The following ZDHHC9 variants were observed in gnomAD, a reference collection of about 807,000 sequenced individuals.
ZDHHC9 encodes palmitoyltransferase ZDHHC9.
Under a neutral mutation model 26.6 loss-of-function variants are expected in ZDHHC9, and 3 were observed. The observed-to-expected ratio is 0.11, with a 90% CI of 0.05 to 0.29. The LOEUF (loss-of-function observed/expected upper bound fraction) is 0.29, where lower values mean the gene tolerates loss of function less well. Among genes scored for constraint, ZDHHC9 ranks in the 10% least tolerant of loss-of-function variants. The pLI is 1.00. For synonymous variants in ZDHHC9, 111 were observed against 109.4 expected (o/e 1.01, Z -0.09); for missense variants, 146 against 296.4 (o/e 0.49, Z 3.73).
rs1292270853 is a variant in ZDHHC9, at chrX:129,806,286, GCT to G, written c.*82_*83del. 1.2e-6 allele frequency: 1 copy of G among 834,703 alleles called. No individual in the cohort carries two copies. Among genetic ancestry groups the G allele is most frequent in the Non-Finnish European group, 1.8e-6 (1 of 552,249 alleles). 68.8% of individuals were successfully genotyped at this position (834,703 alleles called of 1,213,427 possible). A position where few individuals can be genotyped will look rare whatever the true frequency, so the allele number is the denominator to read the frequency against. On this transcript the variant is annotated 3_prime_UTR_variant, in exon 11 of 11. Coordinates refer to ENST00000357166, the MANE Select transcript of ZDHHC9 (RefSeq NM_016032.4). ...AACAGTTAAAAGGGACAGCTTACTT[GCT>G]CTCTGTCTCAGGTTTAACTTCTCAC...
At chrX:129,832,608 C>T (rs993270548) in intron 3 of ZDHHC9, among the ~76,000 whole-genome samples, 9 of 110,226 alleles carry the variant, frequency 8.2e-5, no homozygotes, top group Non-Finnish European at 1.3e-4. Context: ...ACAGTGAAAC[C>T]CCGTCTCTAC....
chrX:129,837,166 G>A (rs779685321), intron 3 of ZDHHC9, among the ~76,000 whole-genome samples: 1 of 111,610 alleles, frequency 9.0e-6, no homozygotes, highest in Admixed American at 9.6e-5. Context: ...GATTCTGTGG[G>A]TCAAGATTGT....
At position 129,803,755 on chromosome X, in the gene ZDHHC9, C is replaced by G. The variant is rs1457092115; in HGVS notation, c.*2615G>C. The G allele has an allele frequency of 8.9e-6, 1 of 112,050 alleles. No homozygotes were observed. Among genetic ancestry groups the G allele is most frequent in the African/African-American group, 3.2e-5 (1 of 30,788 alleles). 9.2% of individuals were successfully genotyped at this position (112,050 alleles called of 1,213,427 possible). On this transcript the variant is annotated 3_prime_UTR_variant, in exon 11 of 11. Transcript: ENST00000357166. ...CCACCTGCCCCCAGAGGTTTGGGAT[C>G]AGTGCCAACCATCCTGGCCTGGGAA... is the stretch of plus-strand genomic sequence containing the variant.
At chrX:129,819,369 A>G (rs758193431) in intron 5 of ZDHHC9, among the ~76,000 whole-genome samples, 1 of 110,084 alleles carries the variant, frequency 9.1e-6, no homozygotes, top group Non-Finnish European at 1.9e-5. Flanking sequence ...TTTAAATCAC[A>G]TTTTTTCTGA....
At chrX:129,809,336 G>T (rs1238565193) in intron 10 of ZDHHC9, among the ~76,000 whole-genome samples, 2 of 112,241 alleles carry the variant, frequency 1.8e-5, no homozygotes, top group East Asian at 2.8e-4. Flanking sequence ...ACTGATGAAT[G>T]GATAAATGAA....
chrX:129,836,551 C>T (rs1019786824), intron 3 of ZDHHC9, among the ~76,000 whole-genome samples: 1 of 112,438 alleles, frequency 8.9e-6, no homozygotes, highest in East Asian at 2.8e-4. Flanking sequence ...TCCCAAAGTG[C>T]TGGGATTACA....
intron 3 of ZDHHC9, among the ~76,000 whole-genome samples, chrX:129,835,446 C>CA (rs59940283): frequency 0.078 from 4,236 of 54,102 alleles, 366 homozygotes; most frequent in African/African-American, 0.21. Flanking sequence ...GACCCTATCT[C>CA]AAAAAAAAAA....
chrX:129,812,664 G>T, intron 8 of ZDHHC9, 54 bp downstream of exon 8: 1 of 1,053,691 alleles, frequency 9.5e-7, no homozygotes. Context: ...GGTAGCAAGA[G>T]GATAGGCTTT....
intron 3 of ZDHHC9, among the ~76,000 whole-genome samples, chrX:129,833,156 G>C (rs1203862406): frequency 1.8e-5 from 2 of 111,200 alleles, no homozygotes; most frequent in Non-Finnish European, 3.8e-5. Flanking sequence ...TCTCCCTTGT[G>C]AATTTTATAA....
intron 3 of ZDHHC9, among the ~76,000 whole-genome samples, chrX:129,835,183 A>C (rs1490106256): frequency 8.9e-6 from 1 of 112,434 alleles, no homozygotes; most frequent in Non-Finnish European, 1.9e-5. Flanking sequence ...ATGGTGGCTT[A>C]CACCTGTAAT....
intron 10 of ZDHHC9, among the ~76,000 whole-genome samples, chrX:129,810,339 C>T (rs1225537892): frequency 9.3e-6 from 1 of 107,111 alleles, no homozygotes; most frequent in Non-Finnish European, 1.9e-5. Flanking sequence ...GAGCAAAACT[C>T]CATCTCAAAA....
rs1295825129 is a variant in ZDHHC9, at chrX:129,814,788, G to A, written c.495C>T (p.Phe165=). The change falls in exon 6 of 11, where the codon TTC becomes TTT. Residue 165 remains phenylalanine (F), a synonymous_variant. Transcript: ENST00000357166. The stretch of plus-strand genomic sequence containing the variant: ...TCCCCACCCAGGGGCAGTGATGGTC[G>A]AAGCGCTCTGTGGGAGAAAGAGAGA... ...CSICDNCVER[F]DHHCPWVGNC... The A allele has an allele frequency of 1.5e-5, 18 of 1,209,138 alleles. No homozygotes were observed. Among genetic ancestry groups the A allele is most frequent in the Non-Finnish European group, 1.9e-5 (17 of 894,978 alleles).
chrX:129,814,478 A>G (rs1397344656), intron 6 of ZDHHC9, among the ~76,000 whole-genome samples, 180 bp downstream of exon 6: 3 of 111,796 alleles, frequency 2.7e-5, no homozygotes, highest in Admixed American at 1.9e-4. Context: ...ATTAATACTC[A>G]TTGATGTGCA....
chrX:129,816,929 C>T (rs1927768227), intron 5 of ZDHHC9, among the ~76,000 whole-genome samples: 2 of 111,279 alleles, frequency 1.8e-5, no homozygotes, highest in Non-Finnish European at 3.8e-5. Flanking sequence ...GTCACCCAGG[C>T]TGGAGTGCAA....
intron 3 of ZDHHC9, among the ~76,000 whole-genome samples, chrX:129,841,261 G>A (rs1176995209): frequency 8.9e-6 from 1 of 112,325 alleles, no homozygotes; most frequent in East Asian, 2.8e-4. Flanking sequence ...TAATAAGCAC[G>A]TATGTGCCAC....
rs762304463 is a variant in ZDHHC9 at position 129,814,614 on chromosome X, C to T, written c.625+44G>A. On this transcript the variant is annotated intron_variant, in intron 6 of 10. Transcript: ENST00000357166. ...TCTAAGCTGCCCTTAACTCTTCCCC[C>T]ACCCAGCCCCACTCCAACAACGGAC... is the stretch of plus-strand genomic sequence containing the variant. 12 of 1,207,040 alleles carry T rather than the reference C, an allele frequency of 9.9e-6. No individual in the cohort carries two copies. The Admixed American group carries it at 1.3e-4, about 13-fold the overall frequency.
At chrX:129,811,314 G>T in intron 9 of ZDHHC9, 92 bp downstream of exon 9, 1 of 797,908 alleles carries the variant, frequency 1.3e-6, no homozygotes, top group Non-Finnish European at 1.9e-6. Flanking sequence ...ACACCAAGAG[G>T]CCACACTCAG....
chrX:129,804,690 C>T lies in ZDHHC9; in HGVS notation c.*1680G>A, dbSNP rs1259096057. The T allele has an allele frequency of 2.7e-5, 3 of 111,942 alleles. No individual in the cohort carries two copies. Among genetic ancestry groups the T allele is most frequent in the Non-Finnish European group, 3.8e-5 (2 of 53,163 alleles). 9.2% of individuals were successfully genotyped at this position (111,942 alleles called of 1,213,427 possible). A position where few individuals can be genotyped will look rare whatever the true frequency, so the allele number is the denominator to read the frequency against. On this transcript the variant is annotated 3_prime_UTR_variant, in exon 11 of 11. Coordinates refer to ENST00000357166, the MANE Select transcript of ZDHHC9 (RefSeq NM_016032.4). ...TTGTTCTCTTAAGTAAATATAATCC[C>T]TCTACCTTCCTGATCCTGTTCACAC... is the stretch of plus-strand genomic sequence containing the variant.
Position 129,805,846 on chromosome X carries a change from G to A in ZDHHC9, c.*524C>T, listed in dbSNP as rs1927502985. On this transcript the variant is annotated 3_prime_UTR_variant, in exon 11 of 11. Transcript: ENST00000357166. The stretch of plus-strand genomic sequence containing the variant: ...TGTCCCATTCCTAAAAGGATTTGTG[G>A]GCAATGCTGGCACTTGGTGGCCAGG... The A allele has an allele frequency of 8.3e-6, 1 of 120,604 alleles. No individual in the cohort carries two copies. Among genetic ancestry groups the A allele is most frequent in the Non-Finnish European group, 1.7e-5 (1 of 58,331 alleles). 9.9% of individuals were successfully genotyped at this position (120,604 alleles called of 1,213,427 possible).
Sources: allele counts gnomAD v4.1 joint callset (sites outside exome capture counted in the v4.1 genomes callset), GRCh38; gene constraint gnomAD v4.1.1; transcripts MANE v1.5; gene names NCBI Gene and HGNC (gene_info 2026-07-23, HGNC 2026-07-21).